Variants in CSMD1 observed in about 807,000 individuals in gnomAD.
CSMD1 encodes CUB and sushi domain-containing protein 1.
In CSMD1, 213 loss-of-function variants were observed where a neutral mutation model predicts 417.5. The observed-to-expected ratio is 0.51, with a 90% confidence interval of 0.46 to 0.57. The LOEUF (loss-of-function observed/expected upper bound fraction) is 0.57, where lower values mean the gene tolerates loss of function less well. CSMD1 is among the 20% of genes least tolerant of loss of function. CSMD1 has a pLI of 0.00. For synonymous variants in CSMD1, 2,862 were observed against 1,736.8 expected (o/e 1.65, Z -16.11); for missense variants, 6,923 against 4,529.7 (o/e 1.53, Z -15.17).
intron 3 of CSMD1, among the ~76,000 whole-genome samples, chr8:4,281,819 C>G (rs1010932516): frequency 6.6e-6 from 1 of 152,080 alleles, no homozygotes; most frequent in African/African-American, 2.4e-5. Context: ...TTGTAAAACA[C>G]TGATTTTCTA....
intron 3 of CSMD1, among the ~76,000 whole-genome samples, chr8:4,326,387 C>G (rs1799564488): frequency 6.6e-6 from 1 of 152,116 alleles, no homozygotes; most frequent in East Asian, 1.9e-4. Context: ...GAGAGGCACT[C>G]AGATTTTCAG....
intron 1 of CSMD1, among the ~76,000 whole-genome samples, chr8:4,968,998 A>G (rs907331278): frequency 2.0e-5 from 3 of 152,136 alleles, no homozygotes; most frequent in African/African-American, 7.2e-5. Context: ...TTTTTATGAA[A>G]CCAAGATACT....
At chr8:4,773,392 G>C (rs150858363) in intron 1 of CSMD1, among the ~76,000 whole-genome samples, 7 of 152,220 alleles carry the variant, frequency 4.6e-5, no homozygotes, top group Non-Finnish European at 7.4e-5. Context: ...AATCCCAATA[G>C]CTCCTTGTTT....
rs578017266 is a variant in CSMD1 at position 4,734,950 on chromosome 8, C to A, written c.86-97392G>T. Among the ~76,000 whole-genome samples the A allele has an allele frequency of 3.9e-5, 6 of 152,236 alleles. No individual in the cohort carries two copies. The South Asian group carries it at 1.0e-3, about 26-fold the overall frequency. ...GGCTTTAGCAAACTACTCGTTATGG[C>A]CTGGGATTCTGGGAAAGTTTCCATA... On this transcript the variant is annotated intron_variant, in intron 1 of 69. Coordinates refer to ENST00000635120, the MANE Select transcript of CSMD1 (RefSeq NM_033225.6).
rs371689318 is a variant in CSMD1 at position 4,652,492 on chromosome 8, T to G, written c.86-14934A>C. ...CCAGAAAGAACCACTGTGCCGAGCCTGCCGAGACAGATTCGCCCCATGTGG... is the reference window on the plus strand; with the variant it reads ...CCAGAAAGAACCACTGTGCCGAGCCGGCCGAGACAGATTCGCCCCATGTGG... On this transcript the variant is annotated intron_variant, in intron 1 of 69. Coordinates refer to ENST00000635120, the MANE Select transcript of CSMD1 (RefSeq NM_033225.6). Among the ~76,000 whole-genome samples the G allele has an allele frequency of 1.9e-4, 29 of 152,004 alleles. No homozygotes were observed. In the East Asian group the frequency reaches 2.1e-3, roughly 11 times the overall value.
At chr8:4,636,579 T>C (rs1436425904) in intron 2 of CSMD1, among the ~76,000 whole-genome samples, 1 of 152,230 alleles carries the variant, frequency 6.6e-6, no homozygotes, top group Non-Finnish European at 1.5e-5. Flanking sequence ...TCTTTTTCTC[T>C]CAAACTCACA....
chr8:3,161,293 G>C (rs947232915), intron 38 of CSMD1, among the ~76,000 whole-genome samples: 5 of 152,034 alleles, frequency 3.3e-5, no homozygotes, highest in African/African-American at 1.2e-4. Flanking sequence ...CCATACATTA[G>C]ATTATAAATC....
At chr8:4,165,137 C>A (rs1797382212) in intron 3 of CSMD1, among the ~76,000 whole-genome samples, 1 of 152,112 alleles carries the variant, frequency 6.6e-6, no homozygotes, top group Admixed American at 6.6e-5. Flanking sequence ...TGACAGGTAT[C>A]TATATTTCAG....
At chr8:3,782,915 T>C (rs536420998) in intron 5 of CSMD1, among the ~76,000 whole-genome samples, 9 of 152,264 alleles carry the variant, frequency 5.9e-5, no homozygotes, top group African/African-American at 2.2e-4. Flanking sequence ...TAAATAAAAC[T>C]GTGGTTAAAA....
chr8:4,310,896 A>C (rs541235380), intron 3 of CSMD1, among the ~76,000 whole-genome samples: 2 of 152,328 alleles, frequency 1.3e-5, no homozygotes, highest in African/African-American at 4.8e-5. Flanking sequence ...CAAGCATATG[A>C]AAAAAAGCTC....
chr8:3,730,459 A>G (rs1019653331), intron 6 of CSMD1, among the ~76,000 whole-genome samples: 3 of 149,282 alleles, frequency 2.0e-5, no homozygotes, highest in Non-Finnish European at 3.0e-5. Flanking sequence ...CTGCTGTCTA[A>G]GAAGGCTCTC....
intron 3 of CSMD1, among the ~76,000 whole-genome samples, chr8:4,330,445 C>G (rs1169794621): frequency 6.6e-6 from 1 of 151,958 alleles, no homozygotes; most frequent in African/African-American, 2.4e-5. Flanking sequence ...CAAAAATGAA[C>G]CATGCATGTT....
At chr8:3,699,354 G>A (rs1800723741) in intron 7 of CSMD1, among the ~76,000 whole-genome samples, 1 of 152,170 alleles carries the variant, frequency 6.6e-6, no homozygotes, top group Non-Finnish European at 1.5e-5. Context: ...TGACATGGAT[G>A]AATTATTTAA....
At chr8:3,879,788 A>G (rs75625734) in intron 5 of CSMD1, among the ~76,000 whole-genome samples, 80 of 151,976 alleles carry the variant, frequency 5.3e-4, no homozygotes, top group Middle Eastern at 3.4e-3. Context: ...TCAGCTTCAG[A>G]TATTTGTCAT....
At chr8:3,694,459 G>T (rs1465436935) in intron 7 of CSMD1, among the ~76,000 whole-genome samples, 1 of 152,140 alleles carries the variant, frequency 6.6e-6, no homozygotes, top group Non-Finnish European at 1.5e-5. Context: ...ATGAGTCTGG[G>T]AAAGACGGCC....
chr8:3,597,675 T>C (rs1274356364), intron 8 of CSMD1, among the ~76,000 whole-genome samples: 6 of 152,216 alleles, frequency 3.9e-5, no homozygotes, highest in Non-Finnish European at 7.3e-5. Flanking sequence ...GATGAGTTCA[T>C]GTCCTTTGCA....
intron 23 of CSMD1, among the ~76,000 whole-genome samples, chr8:3,334,190 T>G (rs112838470): frequency 2.0e-5 from 3 of 152,198 alleles, no homozygotes; most frequent in African/African-American, 7.2e-5. Context: ...CAGTCAATCC[T>G]ATAAAGAAAG....
chr8:3,193,345 T>A (rs1241589995), intron 33 of CSMD1, among the ~76,000 whole-genome samples: 1 of 152,096 alleles, frequency 6.6e-6, no homozygotes, highest in Non-Finnish European at 1.5e-5. Flanking sequence ...CGAAAAATGT[T>A]TTTTAGAGGA....
At chr8:3,961,056 A>G (rs1247893834) in intron 5 of CSMD1, among the ~76,000 whole-genome samples, 2 of 152,136 alleles carry the variant, frequency 1.3e-5, no homozygotes, top group African/African-American at 4.8e-5. Context: ...TAATTCAGAA[A>G]TCAAACAAAA....
Sources: gnomAD v4.1 joint callset for allele counts (sites outside exome capture counted in the v4.1 genomes callset) on GRCh38, gnomAD v4.1.1 for gene constraint, MANE v1.5 for transcripts, NCBI Gene and HGNC (gene_info 2026-07-23, HGNC 2026-07-21) for gene names.